The following RGS7 variants were observed in gnomAD, a reference collection of about 807,000 sequenced individuals.
RGS7 encodes regulator of G-protein signaling 7.
In RGS7, 27 loss-of-function variants were observed where a neutral mutation model predicts 81.1. The observed-to-expected ratio is 0.33, with a 90% confidence interval of 0.25 to 0.46. The LOEUF is 0.46. Ranked by LOEUF, RGS7 falls within the 20% of genes least tolerant of loss-of-function variation. RGS7 has a pLI of 1.00. For synonymous variants in RGS7, 208 were observed against 207.7 expected (o/e 1.00, Z -0.01); for missense variants, 396 against 607.4 (o/e 0.65, Z 3.66).
intron 3 of RGS7, among the ~76,000 whole-genome samples, chr1:241,038,794 C>T (rs1370538828): frequency 6.6e-6 from 1 of 152,004 alleles, no homozygotes; most frequent in African/African-American, 2.4e-5. Context: ...CTGGGCAATA[C>T]AGCGAGAACC....
intron 3 of RGS7, among the ~76,000 whole-genome samples, chr1:240,988,383 C>T (rs935766086): frequency 2.0e-5 from 3 of 151,796 alleles, no homozygotes; most frequent in African/African-American, 7.3e-5. Flanking sequence ...TTAAATTAAA[C>T]TCAGTTTAAA....
At chr1:241,317,917 G>C (rs550341233) in intron 2 of RGS7, among the ~76,000 whole-genome samples, 5 of 152,256 alleles carry the variant, frequency 3.3e-5, no homozygotes, top group South Asian at 4.1e-4. Context: ...CGCCTTCCCA[G>C]TTCTTCCGAG....
At chr1:241,091,968 T>C (rs2502429) in intron 3 of RGS7, among the ~76,000 whole-genome samples, 37,859 of 152,094 alleles carry the variant, frequency 0.25, 5,157 homozygotes, top group African/African-American at 0.36. Flanking sequence ...CATTAAAATA[T>C]TTTTTAAAAT....
rs532600179 is a variant in RGS7 at position 241,335,151 on chromosome 1, G to C, written c.78+20548C>G. ...GATGAATTGTATTTCCTAAGTTATA[G>C]GGGGAGAGGAGGAAGTTATTCCAGC... On this transcript the variant is annotated intron_variant, in intron 2 of 18. Transcript: ENST00000440928. Among the ~76,000 whole-genome samples, 11 of 152,276 alleles carry C rather than the reference G, an allele frequency of 7.2e-5. No homozygotes were observed. In the East Asian group the frequency reaches 2.1e-3, roughly 29 times the overall value.
intron 3 of RGS7, among the ~76,000 whole-genome samples, chr1:241,034,339 G>A (rs767293249): frequency 2.6e-4 from 40 of 152,268 alleles, no homozygotes; most frequent in Non-Finnish European, 4.1e-4. Flanking sequence ...AATTTGAAAC[G>A]GCATCTTTAG....
intron 2 of RGS7, among the ~76,000 whole-genome samples, chr1:241,298,731 T>C (rs1489536032): frequency 5.3e-5 from 8 of 152,206 alleles, no homozygotes; most frequent in African/African-American, 1.9e-4. Context: ...TTTCTATATA[T>C]GTCAAGCATT....
intron 2 of RGS7, among the ~76,000 whole-genome samples, chr1:241,324,448 T>C (rs1318602868): frequency 6.6e-6 from 1 of 152,162 alleles, no homozygotes; most frequent in African/African-American, 2.4e-5. Context: ...CTGCAAAAAG[T>C]ATAACTCATG....
intron 2 of RGS7, among the ~76,000 whole-genome samples, chr1:241,258,947 T>C (rs1199388110): frequency 6.6e-6 from 1 of 152,166 alleles, no homozygotes; most frequent in Non-Finnish European, 1.5e-5. Flanking sequence ...TAACTAGGAA[T>C]ACTGGTGTAA....
chr1:241,004,970 G>A (rs1478601877), intron 3 of RGS7, among the ~76,000 whole-genome samples: 3 of 152,168 alleles, frequency 2.0e-5, no homozygotes, highest in African/African-American at 7.2e-5. Flanking sequence ...GGCTGCTTCA[G>A]GGTATTGCAT....
At chr1:240,896,498 C>T (rs557833759) in intron 6 of RGS7, among the ~76,000 whole-genome samples, 1 of 152,130 alleles carries the variant, frequency 6.6e-6, no homozygotes, top group African/African-American at 2.4e-5. Flanking sequence ...AGCTTTCTAC[C>T]TATGGCTAGC....
chr1:240,811,325 T>A (rs2103095096), intron 14 of RGS7, among the ~76,000 whole-genome samples: 1 of 152,348 alleles, frequency 6.6e-6, no homozygotes, highest in South Asian at 2.1e-4. Context: ...CCTCCTTATG[T>A]TAGCAAGTTT....
At chr1:240,801,703 C>T (rs548209356) in intron 16 of RGS7, among the ~76,000 whole-genome samples, 195 bp from the exon 17 acceptor site, 6 of 152,262 alleles carry the variant, frequency 3.9e-5, no homozygotes, top group African/African-American at 1.2e-4. Flanking sequence ...ATGGGCTCTG[C>T]TTACACCAAA....
At chr1:240,975,400 T>TAAACAAAC (rs143065066) in intron 4 of RGS7, among the ~76,000 whole-genome samples, 188 of 150,784 alleles carry the variant, frequency 1.2e-3, no homozygotes, top group African/African-American at 3.7e-3. Flanking sequence ...AGACTTCGTC[T>TAAACAAAC]AAACAAACAA....
At chr1:241,350,090 A>G (rs1247992018) in intron 2 of RGS7, among the ~76,000 whole-genome samples, 2 of 152,218 alleles carry the variant, frequency 1.3e-5, no homozygotes, top group Admixed American at 1.3e-4. Flanking sequence ...TCCCACAAGT[A>G]GCACTGACAA....
chr1:241,080,327 G>A (rs2063061748), intron 3 of RGS7, among the ~76,000 whole-genome samples: 1 of 150,950 alleles, frequency 6.6e-6, no homozygotes, highest in Admixed American at 6.6e-5. Flanking sequence ...AAGGCTATAA[G>A]GTACCTTGAG....
At chr1:241,009,810 G>C (rs1463324469) in intron 3 of RGS7, among the ~76,000 whole-genome samples, 1 of 152,186 alleles carries the variant, frequency 6.6e-6, no homozygotes, top group East Asian at 1.9e-4. Flanking sequence ...GGAAGAAATA[G>C]GTCAGATGAA....
intron 2 of RGS7, among the ~76,000 whole-genome samples, chr1:241,317,059 T>C (rs1355809153): frequency 6.6e-6 from 1 of 152,258 alleles, no homozygotes; most frequent in Non-Finnish European, 1.5e-5. Context: ...TGATTTGTAG[T>C]GTTTGCTGAT....
At chr1:241,306,683 ACACT>A (rs2080181179) in intron 2 of RGS7, among the ~76,000 whole-genome samples, 1 of 151,616 alleles carries the variant, frequency 6.6e-6, no homozygotes, top group African/African-American at 2.4e-5. Flanking sequence ...ACACATGCAC[ACACT>A]CTTACACACA....
intron 2 of RGS7, among the ~76,000 whole-genome samples, chr1:241,221,009 G>GAAA (rs1467688499): frequency 1.6e-3 from 62 of 39,460 alleles, no homozygotes; most frequent in African/African-American, 6.4e-3. Flanking sequence ...GAGAGAGAAA[G>GAAA]GAAGGAAGGA....
Sources: gnomAD v4.1 joint callset for allele counts (sites outside exome capture counted in the v4.1 genomes callset) on GRCh38, gnomAD v4.1.1 for gene constraint, MANE v1.5 for transcripts, NCBI Gene and HGNC (gene_info 2026-07-23, HGNC 2026-07-21) for gene names.